UBE2D3: variants seen among roughly 807,000 people sequenced by gnomAD.
UBE2D3 encodes the protein ubiquitin-conjugating enzyme E2 D3.
In UBE2D3, 2 loss-of-function variants were observed where a neutral mutation model predicts 22.8. The ratio of observed to expected loss-of-function variants is 0.09; its 90% CI spans 0.04 to 0.28. The LOEUF is 0.28. Ranked by LOEUF, UBE2D3 falls within the 10% of genes least tolerant of loss-of-function variation. The pLI is 1.00. For synonymous variants in UBE2D3, 56 were observed against 60.4 expected (o/e 0.93, Z 0.34); for missense variants, 27 against 182.5 (o/e 0.15, Z 4.91).
chr4:102,802,712 G>A (rs1469776187), intron 4 of UBE2D3, 74 bp from the exon 5 acceptor site: 15 of 1,229,082 alleles, frequency 1.2e-5, no homozygotes, highest in African/African-American at 1.5e-5. Context: ...TTGTTTCCAA[G>A]CATTTCTCTA....
At chr4:102,837,993 G>C (rs558489961) in intron 1 of UBE2D3, among the ~76,000 whole-genome samples, 3 of 150,588 alleles carry the variant, frequency 2.0e-5, no homozygotes, top group Non-Finnish European at 4.4e-5. Flanking sequence ...TTCTAAAATA[G>C]CTGTAGTCTC....
chr4:102,833,119 A>G (rs541994010), intron 1 of UBE2D3, among the ~76,000 whole-genome samples: 1 of 151,796 alleles, frequency 6.6e-6, no homozygotes, highest in African/African-American at 2.4e-5. Flanking sequence ...TAAAGTTTAC[A>G]TAACATTGGA....
chr4:102,820,717 A>G (rs1343316125), intron 2 of UBE2D3, among the ~76,000 whole-genome samples: 4 of 152,172 alleles, frequency 2.6e-5, no homozygotes, highest in African/African-American at 9.7e-5. Flanking sequence ...TGTTTTATGG[A>G]CATTAAAACA....
chr4:102,797,509 T>C (rs749782391), intron 7 of UBE2D3, 49 bp from the exon 8 acceptor site: 2 of 1,442,884 alleles, frequency 1.4e-6, no homozygotes, highest in Non-Finnish European at 1.9e-6. Context: ...GAATTCCTAA[T>C]ACTTTAAATG....
chr4:102,812,118 T>C (rs562681051), intron 2 of UBE2D3: 1 of 159,926 alleles, frequency 6.3e-6, no homozygotes, highest in South Asian at 1.5e-4. Context: ...GTGCAGGGAA[T>C]GGGAAGAAGA....
chr4:102,837,751 A>G (rs970915392), intron 1 of UBE2D3, among the ~76,000 whole-genome samples: 1 of 152,182 alleles, frequency 6.6e-6, no homozygotes, highest in African/African-American at 2.4e-5. Context: ...GGAGATCGAG[A>G]CCATCCTGGC....
At chr4:102,826,397 T>G in intron 2 of UBE2D3, 88 bp downstream of exon 2, 1 of 1,521,250 alleles carries the variant, frequency 6.6e-7, no homozygotes, top group Non-Finnish European at 9.1e-7. Context: ...ATTTTCAGAA[T>G]TATGCTTCCT....
chr4:102,817,128 C>T (rs1728886856), intron 2 of UBE2D3, among the ~76,000 whole-genome samples: 1 of 152,074 alleles, frequency 6.6e-6, no homozygotes, highest in Non-Finnish European at 1.5e-5. Flanking sequence ...TCAGGAGTGT[C>T]AAAGAACACA....
intron 1 of UBE2D3, among the ~76,000 whole-genome samples, chr4:102,848,563 T>C (rs1208691751): frequency 6.6e-6 from 1 of 152,088 alleles, no homozygotes; most frequent in Non-Finnish European, 1.5e-5. Context: ...GAGAATCGCA[T>C]GAACCTGGGA....
rs1302571274 is a variant in UBE2D3 at position 102,857,147 on chromosome 4, G to C, written c.-129+11568C>G. On this transcript the variant is annotated intron_variant, in intron 1 of 7. Coordinates refer to the UBE2D3 transcript ENST00000338145. Reference sequence around the variant, plus strand: ...AGGAGAAATGGTGTGTGTTGGGTTAGAGGGTGACATATGGGAATCTGTATT... The same window carrying C: ...AGGAGAAATGGTGTGTGTTGGGTTACAGGGTGACATATGGGAATCTGTATT... Among the ~76,000 whole-genome samples the C allele has an allele frequency of 2.6e-5, 4 of 152,236 alleles. No homozygotes were observed. In the East Asian group the frequency reaches 7.7e-4, roughly 29 times the overall value.
intron 1 of UBE2D3, among the ~76,000 whole-genome samples, chr4:102,868,217 C>T (rs1320953335): frequency 6.6e-6 from 1 of 151,926 alleles, no homozygotes; most frequent in Non-Finnish European, 1.5e-5. Context: ...GGACAGGCAC[C>T]TGCCACCGCG....
chr4:102,822,300 G>GA (rs1275635550), intron 2 of UBE2D3, among the ~76,000 whole-genome samples: 6 of 152,146 alleles, frequency 3.9e-5, no homozygotes, highest in Non-Finnish European at 8.8e-5. Flanking sequence ...ATCCTACACA[G>GA]AAAGTGAGCT....
Position 102,799,832 on chromosome 4 carries a change from T to TGG in UBE2D3, c.305-334_305-333dup, listed in dbSNP as rs36031423. 2.6e-3 allele frequency among the ~76,000 whole-genome samples: 311 copies of TGG among 117,736 alleles called. 8 individuals carry two copies. Among genetic ancestry groups the TGG allele is most frequent in the South Asian group, 0.012 (39 of 3,320 alleles). The allele number at this position is 117,736 out of a possible 152,430, so 77.2% of individuals were successfully genotyped here. On this transcript the variant is annotated intron_variant, in intron 6 of 7. Transcript: ENST00000453744. ...CTTGAGTTTCTTGGTACTCAGTGGCTGGGGGGGGGGGGACTTTAGCAAGAA... is the reference window on the plus strand; with the variant it reads ...CTTGAGTTTCTTGGTACTCAGTGGCTGGGGGGGGGGGGGGACTTTAGCAAGAA...
At chr4:102,826,802 G>C (rs985405697) in intron 1 of UBE2D3, 166 bp from the exon 2 acceptor site, 7 of 1,248,382 alleles carry the variant, frequency 5.6e-6, no homozygotes, top group East Asian at 3.6e-5. Context: ...CGAGGGTGAC[G>C]GGAAGAGCGG....
chr4:102,850,468 C>G (rs1732285809), intron 1 of UBE2D3, among the ~76,000 whole-genome samples: 1 of 152,148 alleles, frequency 6.6e-6, no homozygotes, highest in African/African-American at 2.4e-5. Flanking sequence ...TACATGAAGC[C>G]TTTCCCAACC....
Position 102,839,416 on chromosome 4 carries a change from C to T in UBE2D3, c.-128-12780G>A, listed in dbSNP as rs188263719. 1.4e-4 allele frequency among the ~76,000 whole-genome samples: 22 copies of T among 152,156 alleles called. No homozygotes were observed. The East Asian group carries it at 2.1e-3, about 15-fold the overall frequency. The stretch of plus-strand genomic sequence containing the variant: ...ACCACCAAAGAGCTAGGACTACAGC[C>T]GCTTGCCGCCACACCCAGCTAATTT... On this transcript the variant is annotated intron_variant, in intron 1 of 7. Transcript: ENST00000338145.
At chr4:102,811,037 A>C (rs1455088979) in intron 2 of UBE2D3, 2 of 140,110 alleles carry the variant, frequency 1.4e-5, no homozygotes, top group African/African-American at 5.3e-5. Flanking sequence ...CAGAAGGGTA[A>C]GGTTTGGGAT....
At chr4:102,842,977 G>GT (rs1345584232) in intron 1 of UBE2D3, among the ~76,000 whole-genome samples, 1 of 145,044 alleles carries the variant, frequency 6.9e-6, no homozygotes, top group African/African-American at 2.6e-5. Context: ...GGAAGTGGTG[G>GT]TGCATGCTTG....
chr4:102,827,059 AAAAGGAAGGAAAT>A (rs1469776963), intron 1 of UBE2D3: 3 of 990,240 alleles, frequency 3.0e-6, no homozygotes, highest in Non-Finnish European at 3.6e-6. Context: ...TGCGGCCGGG[AAAAGGAAGGAAAT>A]AAAGGAAGGG....
Sources: allele counts gnomAD v4.1 joint callset (sites outside exome capture counted in the v4.1 genomes callset), GRCh38; gene constraint gnomAD v4.1.1; transcripts MANE v1.5; gene names NCBI Gene and HGNC (gene_info 2026-07-23, HGNC 2026-07-21).